Variants in SENP7 observed in about 807,000 individuals in gnomAD.
SENP7 encodes SUMO specific peptidase 7.
Under a neutral mutation model 141.2 loss-of-function variants are expected in SENP7, and 64 were observed. The ratio of observed to expected loss-of-function variants is 0.45; its 90% CI spans 0.37 to 0.56. The LOEUF (loss-of-function observed/expected upper bound fraction) is 0.56, where lower values mean the gene tolerates loss of function less well. SENP7 is among the 20% of genes least tolerant of loss of function. The pLI, the probability that SENP7 is intolerant of heterozygous loss-of-function variation, is 0.00. For synonymous variants in SENP7, 382 were observed against 426.4 expected (o/e 0.90, Z 1.28); for missense variants, 1,025 against 1,212.2 (o/e 0.85, Z 2.29).
At chr3:101,401,662 G>A (rs936510518) in intron 5 of SENP7, among the ~76,000 whole-genome samples, 4 of 152,144 alleles carry the variant, frequency 2.6e-5, no homozygotes, top group African/African-American at 9.7e-5. Flanking sequence ...ATCAGCCACA[G>A]CATTCCCTTA....
At chr3:101,412,333 T>C (rs1359502508) in intron 5 of SENP7, among the ~76,000 whole-genome samples, 2 of 152,062 alleles carry the variant, frequency 1.3e-5, no homozygotes, top group East Asian at 3.8e-4. Flanking sequence ...ACCTTCTAAA[T>C]CAGCATCTTA....
intron 4 of SENP7, among the ~76,000 whole-genome samples, chr3:101,441,593 T>C (rs1382719111): frequency 1.3e-5 from 2 of 152,164 alleles, no homozygotes; most frequent in African/African-American, 2.4e-5. Flanking sequence ...AATGCCCAAG[T>C]GGCCTGAGAA....
chr3:101,370,031 G>A (rs2060134153), intron 7 of SENP7, among the ~76,000 whole-genome samples: 2 of 152,062 alleles, frequency 1.3e-5, no homozygotes. Context: ...TTAATTTACA[G>A]GTTTTTAAAA....
intron 3 of SENP7, among the ~76,000 whole-genome samples, chr3:101,464,408 A>G (rs1426156161): frequency 2.6e-5 from 4 of 152,102 alleles, no homozygotes; most frequent in Non-Finnish European, 1.5e-5. Flanking sequence ...CTTCACCTGT[A>G]TTTACAGCCA....
intron 6 of SENP7, among the ~76,000 whole-genome samples, chr3:101,390,916 T>C (rs1384089527): frequency 6.6e-6 from 1 of 152,040 alleles, no homozygotes; most frequent in Non-Finnish European, 1.5e-5. Flanking sequence ...GAGACTGCAA[T>C]GAAATAAAAC....
chr3:101,340,060 G>A, intron 16 of SENP7, 35 bp downstream of exon 16: 1 of 1,504,272 alleles, frequency 6.6e-7, no homozygotes, highest in South Asian at 1.3e-5. Context: ...AGTAAAATCT[G>A]TAAAATATGT....
At chr3:101,396,428 G>GT (rs2060970326) in intron 6 of SENP7, among the ~76,000 whole-genome samples, 1 of 151,552 alleles carries the variant, frequency 6.6e-6, no homozygotes, top group Non-Finnish European at 1.5e-5. Flanking sequence ...CACATCATAA[G>GT]TTTTTTCTTT....
Position 101,332,010 on chromosome 3 carries a change from C to T in SENP7, c.2673G>A (p.Gln891=). 1 of 1,613,510 alleles carries T rather than the reference C, an allele frequency of 6.2e-7. No individual in the cohort carries two copies. The highest frequency in any genetic ancestry group is 1.1e-5 in the South Asian group (1 of 91,054). Residue 891 remains glutamine, a synonymous_variant, in exon 19 of 24, where the codon CAG becomes CAA. Coordinates refer to ENST00000394095, the MANE Select transcript of SENP7 (RefSeq NM_020654.5). ...CTATTGTTTTGTTGTCATTTTGGGA[C>T]TGCTGAGCCTGGGACTGCTGGGATA... ...QTVSQQSQAQ[Q]SQNDNKTIDN...
At chr3:101,434,002 G>A (rs2062286321) in intron 4 of SENP7, among the ~76,000 whole-genome samples, 2 of 152,042 alleles carry the variant, frequency 1.3e-5, no homozygotes, top group South Asian at 2.1e-4. Context: ...TCAGCACATA[G>A]ACCATTCTTA....
intron 4 of SENP7, among the ~76,000 whole-genome samples, chr3:101,435,568 T>C (rs2062356021): frequency 6.6e-6 from 1 of 151,938 alleles, no homozygotes; most frequent in South Asian, 2.1e-4. Context: ...TTAGAACTGA[T>C]AAACAAATTC....
At chr3:101,443,943 A>G (rs1367266462) in intron 4 of SENP7, among the ~76,000 whole-genome samples, 1 of 151,154 alleles carries the variant, frequency 6.6e-6, no homozygotes, top group Non-Finnish European at 1.5e-5. Flanking sequence ...CTACCATCAG[A>G]GTGAACAGGC....
At chr3:101,453,544 T>G (rs1474650954) in intron 4 of SENP7, among the ~76,000 whole-genome samples, 7 of 152,116 alleles carry the variant, frequency 4.6e-5, no homozygotes, top group Non-Finnish European at 8.8e-5. Context: ...CCATAAAAAA[T>G]GATGAGTTCA....
chr3:101,326,287 T>C (rs1323702735), intron 23 of SENP7, among the ~76,000 whole-genome samples: 1 of 152,054 alleles, frequency 6.6e-6, no homozygotes, highest in African/African-American at 2.4e-5. Context: ...GGAAAGGGTA[T>C]GAGAGGGGCA....
intron 3 of SENP7, among the ~76,000 whole-genome samples, chr3:101,461,999 GC>G (rs1200122759): frequency 6.6e-6 from 1 of 152,172 alleles, no homozygotes; most frequent in East Asian, 1.9e-4. Context: ...ATTTCCAGGG[GC>G]TGGGAAGTTG....
At chr3:101,494,143 T>C (rs1023039195) in intron 2 of SENP7, among the ~76,000 whole-genome samples, 175 bp from the exon 3 acceptor site, 11 of 152,216 alleles carry the variant, frequency 7.2e-5, no homozygotes, top group African/African-American at 2.7e-4. Context: ...AAAAAACCTC[T>C]CCTTGACTCT....
intron 3 of SENP7, among the ~76,000 whole-genome samples, chr3:101,483,954 G>A (rs970495431): frequency 6.6e-6 from 1 of 152,096 alleles, no homozygotes; most frequent in Non-Finnish European, 1.5e-5. Flanking sequence ...TTGAACCCAG[G>A]AGACGGCGGT....
intron 4 of SENP7, among the ~76,000 whole-genome samples, chr3:101,443,582 G>A (rs1257877773): frequency 2.6e-5 from 4 of 151,820 alleles, no homozygotes; most frequent in Non-Finnish European, 5.9e-5. Context: ...CTACCCATGA[G>A]CATGGAATGT....
chr3:101,501,359 T>C (rs2065371783), intron 1 of SENP7, among the ~76,000 whole-genome samples: 1 of 150,742 alleles, frequency 6.6e-6, no homozygotes, highest in Admixed American at 6.6e-5. Flanking sequence ...TATATAAATA[T>C]ATATATAATG....
chr3:101,442,765 A>T (rs536701923), intron 4 of SENP7, among the ~76,000 whole-genome samples: 1 of 152,204 alleles, frequency 6.6e-6, no homozygotes, highest in Non-Finnish European at 1.5e-5. Context: ...AAAAAACACA[A>T]TTAAGAACTT....
Sources: gnomAD v4.1 joint callset for allele counts (sites outside exome capture counted in the v4.1 genomes callset) on GRCh38, gnomAD v4.1.1 for gene constraint, MANE v1.5 for transcripts, NCBI Gene and HGNC (gene_info 2026-07-23, HGNC 2026-07-21) for gene names.